AIDA: variants seen among roughly 807,000 people sequenced by gnomAD.
The protein encoded by AIDA is axin interactor, dorsalization associated.
In AIDA, 18 loss-of-function variants were observed where a neutral mutation model predicts 42.7. That is an observed-to-expected ratio of 0.42 (90% CI 0.29 to 0.63). The LOEUF is 0.63. AIDA is among the 20% of genes least tolerant of loss of function. The pLI is 0.19. For missense variants in AIDA, 250 were observed against 354.1 expected (o/e 0.71, Z 2.36); for synonymous variants, 104 against 122.9 (o/e 0.85, Z 1.02).
intron 4 of AIDA, among the ~76,000 whole-genome samples, chr1:222,690,671 C>T (rs977086972): frequency 2.7e-5 from 3 of 111,586 alleles, no homozygotes; most frequent in Non-Finnish European, 5.3e-5. Context: ...ATAATCTATA[C>T]GTTTATATGT....
chr1:222,684,263 C>T (rs1664702881), intron 6 of AIDA, among the ~76,000 whole-genome samples: 1 of 152,054 alleles, frequency 6.6e-6, no homozygotes, highest in African/African-American at 2.4e-5. Flanking sequence ...AGGTGCCCAC[C>T]ACCACGCCTG....
intron 2 of AIDA, among the ~76,000 whole-genome samples, chr1:222,695,951 T>C (rs1655508147): frequency 6.6e-6 from 1 of 152,226 alleles, no homozygotes; most frequent in South Asian, 2.1e-4. Flanking sequence ...TCCTGGCCCC[T>C]AGCACTTATG....
intron 6 of AIDA, among the ~76,000 whole-genome samples, chr1:222,681,196 G>C (rs1664646772): frequency 6.6e-6 from 1 of 152,180 alleles, no homozygotes; most frequent in Non-Finnish European, 1.5e-5. Context: ...TACCTCTGAG[G>C]AACTGCCCTG....
chr1:222,673,769 C>T (rs946045316), intron 7 of AIDA, among the ~76,000 whole-genome samples: 4 of 139,676 alleles, frequency 2.9e-5, no homozygotes, highest in African/African-American at 1.1e-4. Flanking sequence ...AAGAGCTAGA[C>T]TCTGTCTCAA....
At chr1:222,683,344 T>C (rs1664686596) in intron 6 of AIDA, among the ~76,000 whole-genome samples, 1 of 152,194 alleles carries the variant, frequency 6.6e-6, no homozygotes, top group East Asian at 1.9e-4. Flanking sequence ...CTTACATGTG[T>C]GTTAGCAAGA....
At chr1:222,706,274 A>C (rs1198991237) in intron 1 of AIDA, among the ~76,000 whole-genome samples, 1 of 152,196 alleles carries the variant, frequency 6.6e-6, no homozygotes, top group African/African-American at 2.4e-5. Flanking sequence ...TTTCTTTATA[A>C]AGTTACACAT....
At chr1:222,681,788 A>G (rs17163416) in intron 6 of AIDA, among the ~76,000 whole-genome samples, 25,289 of 152,194 alleles carry the variant, frequency 0.17, 3,880 homozygotes, top group African/African-American at 0.41. Flanking sequence ...CTGTGCAAGC[A>G]AGTCCTCTGT....
rs144462896 is a variant in AIDA, at chr1:222,676,196, T to C, written c.483A>G (p.Pro161=). The C allele has an allele frequency of 6.2e-6, 10 of 1,610,164 alleles. No individual in the cohort carries two copies. Among genetic ancestry groups the C allele is most frequent in the African/African-American group, 4.0e-5 (3 of 74,682 alleles). The change falls in exon 7 of 10, where the codon CCA becomes CCG. Residue 161 remains proline (P), a synonymous_variant. Coordinates refer to ENST00000340020, the MANE Select transcript of AIDA (RefSeq NM_022831.4). The stretch of plus-strand genomic sequence containing the variant: ...TGAGTAATGTCATTCCTGGTTCCGA[T>C]GGCAACCTTGGTAATAAAGTACCTG... ...RVPGTLLPRL[P]SEPGMTLLTI... is the part of the protein sequence containing the mutation.
At chr1:222,689,244 C>G (rs1219058998) in intron 4 of AIDA, among the ~76,000 whole-genome samples, 4 of 151,406 alleles carry the variant, frequency 2.6e-5, no homozygotes, top group Admixed American at 6.6e-5. Context: ...TTGAGACCAG[C>G]CTGGCCAACA....
chr1:222,675,666 C>G (rs977769247), intron 7 of AIDA, among the ~76,000 whole-genome samples: 1 of 152,166 alleles, frequency 6.6e-6, no homozygotes, highest in African/African-American at 2.4e-5. Flanking sequence ...AGACCTCTCT[C>G]TTGGACAGGA....
intron 2 of AIDA, among the ~76,000 whole-genome samples, chr1:222,701,632 C>T (rs1655707915): frequency 1.3e-5 from 2 of 152,054 alleles, no homozygotes; most frequent in African/African-American, 4.8e-5. Flanking sequence ...CCACTGTGGT[C>T]ATTATTTTCC....
At chr1:222,692,747 G>C (rs1655403978) in intron 4 of AIDA, among the ~76,000 whole-genome samples, 1 of 152,202 alleles carries the variant, frequency 6.6e-6, no homozygotes, top group African/African-American at 2.4e-5. Flanking sequence ...AACAGAGAAA[G>C]ATGGGACATC....
At chr1:222,710,565 T>C (rs1655968602) in intron 1 of AIDA, among the ~76,000 whole-genome samples, 1 of 152,230 alleles carries the variant, frequency 6.6e-6, no homozygotes, top group African/African-American at 2.4e-5. Flanking sequence ...TTAGTTAATA[T>C]ACAGAATGGG....
intron 6 of AIDA, among the ~76,000 whole-genome samples, chr1:222,685,999 A>C (rs1299448135): frequency 6.6e-5 from 10 of 152,174 alleles, no homozygotes; most frequent in Admixed American, 5.9e-4. Context: ...GTCTCTACTA[A>C]CAATACAAAA....
In AIDA at chr1:222,678,122, T is replaced by C. The variant is rs527888572; in HGVS notation, c.461-1904A>G. 2.6e-5 allele frequency among the ~76,000 whole-genome samples: 4 copies of C among 152,188 alleles called. No homozygotes were observed. In the South Asian group the frequency reaches 8.3e-4, roughly 32 times the overall value. On this transcript the variant is annotated intron_variant, in intron 6 of 9. Transcript: ENST00000340020. ...GTCTCAGCAACAGGGAACTGCCATATAAGGCATCTGCATGTCTTTTATCAT... is the reference window on the plus strand; with the variant it reads ...GTCTCAGCAACAGGGAACTGCCATACAAGGCATCTGCATGTCTTTTATCAT...
At chr1:222,675,246 G>T (rs1309054598) in intron 7 of AIDA, among the ~76,000 whole-genome samples, 2 of 152,142 alleles carry the variant, frequency 1.3e-5, no homozygotes, top group East Asian at 3.8e-4. Context: ...AAACCACTTG[G>T]ATTAGCTGTG....
At chr1:222,686,861 A>G in intron 6 of AIDA, 69 bp downstream of exon 6, 1 of 1,541,158 alleles carries the variant, frequency 6.5e-7, no homozygotes. Flanking sequence ...GCAAATACCA[A>G]AGAAAGTTTC....
At chr1:222,688,582 CTACT>C (rs2124957828) in intron 4 of AIDA, among the ~76,000 whole-genome samples, 1 of 151,700 alleles carries the variant, frequency 6.6e-6, no homozygotes, top group East Asian at 1.9e-4. Context: ...TGTACTTCTT[CTACT>C]TACTAAAAAA....
chr1:222,693,157 A>G (rs756732118), intron 4 of AIDA, among the ~76,000 whole-genome samples: 7 of 152,164 alleles, frequency 4.6e-5, no homozygotes, highest in Non-Finnish European at 5.9e-5. Context: ...ATGGATAAAT[A>G]GACTCTATAT....
Sources: gnomAD v4.1 joint callset for allele counts (sites outside exome capture counted in the v4.1 genomes callset) on GRCh38, gnomAD v4.1.1 for gene constraint, MANE v1.5 for transcripts, NCBI Gene and HGNC (gene_info 2026-07-23, HGNC 2026-07-21) for gene names.